Variants in RNF220 observed in about 807,000 individuals in gnomAD.
The protein encoded by RNF220 is ring finger protein 220, also known as E3 ubiquitin-protein ligase RNF220.
RNF220 carries 7 observed loss-of-function variants against 67.1 expected under a neutral mutation model. That is an observed-to-expected ratio of 0.10 (90% CI 0.06 to 0.20). The LOEUF (loss-of-function observed/expected upper bound fraction) is 0.20. RNF220 is among the 10% of genes least tolerant of loss of function. The pLI is 1.00. For synonymous variants in RNF220, 270 were observed against 283.2 expected (o/e 0.95, Z 0.47); for missense variants, 565 against 740.3 (o/e 0.76, Z 2.75).
At chr1:44,514,228 G>C (rs1329144293) in intron 2 of RNF220, among the ~76,000 whole-genome samples, 1 of 152,146 alleles carries the variant, frequency 6.6e-6, no homozygotes, top group Non-Finnish European at 1.5e-5. Flanking sequence ...TGCCTCCCAC[G>C]TAGCAGGCTT....
rs148586702 is a variant in RNF220, at chr1:44,578,687, C to G, written c.626-35478C>G. Among the ~76,000 whole-genome samples, 758 of 152,302 alleles carry G rather than the reference C, an allele frequency of 5.0e-3. 7 individuals carry two copies. The highest frequency in any genetic ancestry group is 0.02 in the Middle Eastern group (6 of 294). ...CCAGTTTGGGAGAAGAGACACTGATCAACAACTCTAATCACTCCCACAGAC... is the reference window on the plus strand; with the variant it reads ...CCAGTTTGGGAGAAGAGACACTGATGAACAACTCTAATCACTCCCACAGAC... On this transcript the variant is annotated intron_variant, in intron 2 of 14. Transcript: ENST00000361799.
intron 2 of RNF220, among the ~76,000 whole-genome samples, chr1:44,427,158 G>A (rs115947631): frequency 1.1e-3 from 168 of 152,276 alleles, no homozygotes; most frequent in Non-Finnish European, 1.4e-3. Flanking sequence ...GATGCACAGT[G>A]TTTAAGCAAT....
chr1:44,534,975 G>A (rs990549566), intron 2 of RNF220, among the ~76,000 whole-genome samples: 2 of 152,126 alleles, frequency 1.3e-5, no homozygotes, highest in Admixed American at 6.5e-5. Flanking sequence ...GGGAGCTATT[G>A]AGTTGTCCAG....
chr1:44,484,162 G>A (rs1042622827), intron 2 of RNF220, among the ~76,000 whole-genome samples: 2 of 152,082 alleles, frequency 1.3e-5, no homozygotes, highest in African/African-American at 4.8e-5. Context: ...TTTTTAGAAG[G>A]CAGTCACATA....
At chr1:44,420,297 C>T (rs1452282659) in intron 2 of RNF220, among the ~76,000 whole-genome samples, 1 of 152,202 alleles carries the variant, frequency 6.6e-6, no homozygotes, top group Non-Finnish European at 1.5e-5. Context: ...AAATCCAGCC[C>T]AGTAAGTTTG....
Position 44,645,298 on chromosome 1 carries a change from G to C in RNF220, c.1366+22G>C. The C allele has an allele frequency of 6.2e-7, 1 of 1,614,062 alleles. No individual in the cohort carries two copies. Among genetic ancestry groups the C allele is most frequent in the Non-Finnish European group, 8.5e-7 (1 of 1,179,952 alleles). On this transcript the variant is annotated intron_variant, in intron 11 of 14. Coordinates refer to ENST00000361799, the MANE Select transcript of RNF220 (RefSeq NM_018150.4). The surrounding 1 kb of genome is among the most constrained non-coding windows in gnomAD (Gnocchi z 5.0). ...GATGGTAAGTCCTGCCCCAGGTTAG[G>C]AGTAATGGGGGAGAGGGGGTATCCC... is the stretch of plus-strand genomic sequence containing the variant.
intron 2 of RNF220, among the ~76,000 whole-genome samples, chr1:44,456,237 G>A (rs1653161854): frequency 6.6e-6 from 1 of 152,188 alleles, no homozygotes; most frequent in South Asian, 2.1e-4. Context: ...GGTTACCAAG[G>A]GTCCAATGTT....
At chr1:44,420,495 C>T (rs1649090137) in intron 2 of RNF220, among the ~76,000 whole-genome samples, 1 of 152,198 alleles carries the variant, frequency 6.6e-6, no homozygotes, top group Non-Finnish European at 1.5e-5. Context: ...TCCTATATTG[C>T]TCTCATTTGA....
intron 2 of RNF220, among the ~76,000 whole-genome samples, chr1:44,520,043 CTG>C (rs1428648816): frequency 7.0e-6 from 1 of 143,406 alleles, no homozygotes; most frequent in African/African-American, 2.6e-5. Context: ...ATTCTTCAAA[CTG>C]GAAAAAAATA....
intron 2 of RNF220, among the ~76,000 whole-genome samples, chr1:44,560,805 G>A (rs1558044645): frequency 6.6e-6 from 1 of 151,728 alleles, no homozygotes; most frequent in Non-Finnish European, 1.5e-5. Context: ...CAAGTGATCC[G>A]CCCCCTCAGC....
chr1:44,500,621 G>A (rs966008200), intron 2 of RNF220, among the ~76,000 whole-genome samples: 1 of 152,182 alleles, frequency 6.6e-6, no homozygotes, highest in Non-Finnish European at 1.5e-5. Flanking sequence ...TTAATTAATG[G>A]AAGCGTGTTT....
At chr1:44,451,035 T>C (rs940876737) in intron 2 of RNF220, among the ~76,000 whole-genome samples, 1 of 151,938 alleles carries the variant, frequency 6.6e-6, no homozygotes, top group Non-Finnish European at 1.5e-5. Flanking sequence ...TACAAAAAAT[T>C]AGCGGGGCGT....
chr1:44,576,212 G>A (rs1038556772), intron 2 of RNF220, among the ~76,000 whole-genome samples: 1 of 152,202 alleles, frequency 6.6e-6, no homozygotes, highest in Non-Finnish European at 1.5e-5. Flanking sequence ...GATCCTTATA[G>A]CAGTTTCTGG....
intron 2 of RNF220, among the ~76,000 whole-genome samples, chr1:44,599,739 T>C (rs1666785588): frequency 6.6e-6 from 1 of 152,224 alleles, no homozygotes; most frequent in African/African-American, 2.4e-5. Context: ...GCAGTGAGAA[T>C]ACCAGATGAA....
chr1:44,461,044 T>C (rs890642235), intron 2 of RNF220, among the ~76,000 whole-genome samples: 5 of 152,196 alleles, frequency 3.3e-5, no homozygotes, highest in African/African-American at 1.2e-4. Context: ...AACTCTTTGA[T>C]TGATGTCTCT....
intron 2 of RNF220, among the ~76,000 whole-genome samples, chr1:44,527,487 A>G (rs1660466422): frequency 6.6e-6 from 1 of 152,190 alleles, no homozygotes; most frequent in African/African-American, 2.4e-5. Flanking sequence ...GCCAGGCACT[A>G]TGATGTACAC....
intron 1 of RNF220, among the ~76,000 whole-genome samples, chr1:44,407,363 G>C (rs1647450839): frequency 6.6e-6 from 1 of 152,222 alleles, no homozygotes; most frequent in Non-Finnish European, 1.5e-5. Context: ...GGGGGGCTTT[G>C]CCTTGCCTGG....
At chr1:44,632,037 C>T (rs1644150263) in intron 5 of RNF220, 2 of 1,073,350 alleles carry the variant, frequency 1.9e-6, no homozygotes, top group South Asian at 4.5e-5. Flanking sequence ...ACGGGGAATC[C>T]GCCCGCATCG....
intron 2 of RNF220, among the ~76,000 whole-genome samples, chr1:44,482,518 T>C (rs534487480): frequency 6.6e-6 from 1 of 152,312 alleles, no homozygotes; most frequent in African/African-American, 2.4e-5. Context: ...AATCTTTCTG[T>C]AGGAAGAAAG....
Sources: gnomAD v4.1 joint callset for allele counts (sites outside exome capture counted in the v4.1 genomes callset) on GRCh38, gnomAD v4.1.1 for gene constraint, Gnocchi (gnomAD v3.1) non-coding constraint, MANE v1.5 for transcripts, NCBI Gene and HGNC (gene_info 2026-07-23, HGNC 2026-07-21) for gene names.